Variants in MACROD2 observed in about 807,000 individuals in gnomAD.
MACROD2 encodes the protein ADP-ribose glycohydrolase MACROD2.
In MACROD2, 36 loss-of-function variants were observed where a neutral mutation model predicts 70.4. The ratio of observed to expected loss-of-function variants is 0.51; its 90% CI spans 0.39 to 0.68. The LOEUF is 0.68. Among genes scored for constraint, MACROD2 ranks in the 30% least tolerant of loss-of-function variants. The pLI, the probability that MACROD2 is intolerant of heterozygous loss-of-function variation, is 0.00. For missense variants in MACROD2, 496 were observed against 538.4 expected (o/e 0.92, Z 0.78); for synonymous variants, 172 against 178.8 (o/e 0.96, Z 0.30).
intron 5 of MACROD2, among the ~76,000 whole-genome samples, chr20:14,998,004 C>T (rs2074964376): frequency 6.6e-6 from 1 of 152,128 alleles, no homozygotes; most frequent in Non-Finnish European, 1.5e-5. Flanking sequence ...CAAGATGGCA[C>T]CTCTATGAGT....
chr20:14,308,754 C>G (rs1433025304), intron 3 of MACROD2, among the ~76,000 whole-genome samples: 5 of 152,076 alleles, frequency 3.3e-5, no homozygotes, highest in Non-Finnish European at 5.9e-5. Context: ...ATAGAACCAT[C>G]ACTGGGAATA....
intron 8 of MACROD2, among the ~76,000 whole-genome samples, chr20:15,615,792 T>C (rs2049029029): frequency 6.6e-6 from 1 of 152,100 alleles, no homozygotes; most frequent in Non-Finnish European, 1.5e-5. Context: ...GAAATCGGAC[T>C]CGGGGAAGAA....
rs962108257 is a variant in MACROD2 at position 15,661,828 on chromosome 20, A to G, written c.645+161981A>G. ...ATTAAGGTGTAATCACGTGCATCATAGCAATGTTGTAAAGATGAGGTAAAA... is the reference window on the plus strand; with the variant it reads ...ATTAAGGTGTAATCACGTGCATCATGGCAATGTTGTAAAGATGAGGTAAAA... On this transcript the variant is annotated intron_variant, in intron 8 of 17. Transcript: ENST00000684519. Among the ~76,000 whole-genome samples the G allele has an allele frequency of 3.9e-5, 6 of 152,334 alleles. No homozygotes were observed. In the South Asian group the frequency reaches 6.2e-4, roughly 16 times the overall value.
intron 5 of MACROD2, among the ~76,000 whole-genome samples, chr20:15,193,906 A>G (rs1005740066): frequency 6.6e-6 from 1 of 151,978 alleles, no homozygotes; most frequent in Admixed American, 6.6e-5. Flanking sequence ...GAATCTTTCC[A>G]TGCTTCAATT....
rs568541912 is a variant in MACROD2, at chr20:15,488,090, G to T, written c.572-11684G>T. 2.0e-5 allele frequency among the ~76,000 whole-genome samples: 3 copies of T among 152,188 alleles called. No individual in the cohort carries two copies. In the South Asian group the frequency reaches 6.2e-4, roughly 32 times the overall value. On this transcript the variant is annotated intron_variant, in intron 7 of 17. Transcript: ENST00000684519. ...GGTCCTTCAGTCTGTCCTAGTCTAGGGATCCTAGGACACAGGCCTTTGTCA... is the reference window on the plus strand; with the variant it reads ...GGTCCTTCAGTCTGTCCTAGTCTAGTGATCCTAGGACACAGGCCTTTGTCA...
chr20:14,564,987 G>A (rs995623765), intron 4 of MACROD2, among the ~76,000 whole-genome samples: 1 of 151,854 alleles, frequency 6.6e-6, no homozygotes, highest in Non-Finnish European at 1.5e-5. Flanking sequence ...ATATACCATG[G>A]AATACTACTC....
At chr20:15,282,041 C>T (rs1377595543) in intron 6 of MACROD2, among the ~76,000 whole-genome samples, 3 of 152,248 alleles carry the variant, frequency 2.0e-5, no homozygotes, top group African/African-American at 7.2e-5. Context: ...GGGGCTTGCA[C>T]CCTCTGAAAC....
chr20:15,400,263 C>A (rs138075677), intron 6 of MACROD2, among the ~76,000 whole-genome samples: 266 of 152,298 alleles, frequency 1.7e-3, no homozygotes, highest in African/African-American at 6.2e-3. Context: ...CCCAGTTTAG[C>A]TTCTGCATAG....
At chr20:15,949,102 A>G (rs1047308090) in intron 12 of MACROD2, among the ~76,000 whole-genome samples, 2 of 152,198 alleles carry the variant, frequency 1.3e-5, no homozygotes, top group African/African-American at 2.4e-5. Context: ...TCAAATTCAC[A>G]TCACCATTGC....
rs185077207 is a variant in MACROD2 at position 15,335,908 on chromosome 20, A to G, written c.541-95497A>G. On this transcript the variant is annotated intron_variant, in intron 6 of 17. Coordinates refer to ENST00000684519, the MANE Select transcript of MACROD2 (RefSeq NM_001351661.2). ...CTTCTCCTCACCATTCTTCATGCCC[A>G]AGGGGTCTATTTGCATTTCCTAGAA... 1.1e-3 allele frequency among the ~76,000 whole-genome samples: 162 copies of G among 151,698 alleles called. 2 individuals carry two copies. The highest frequency in any genetic ancestry group is 3.9e-3 in the African/African-American group (160 of 41,042).
At chr20:16,029,735 A>C (rs2067127653) in intron 15 of MACROD2, among the ~76,000 whole-genome samples, 1 of 152,206 alleles carries the variant, frequency 6.6e-6, no homozygotes, top group Non-Finnish European at 1.5e-5. Context: ...GTCAGCCATG[A>C]ACACCTTTTA....
At chr20:14,467,229 C>T (rs1208603539) in intron 3 of MACROD2, among the ~76,000 whole-genome samples, 2 of 152,184 alleles carry the variant, frequency 1.3e-5, no homozygotes, top group Non-Finnish European at 2.9e-5. Flanking sequence ...CAAGCCTGAG[C>T]AATGGCAGGC....
At chr20:15,392,953 G>A (rs911510062) in intron 6 of MACROD2, among the ~76,000 whole-genome samples, 2 of 151,874 alleles carry the variant, frequency 1.3e-5, no homozygotes, top group Admixed American at 6.6e-5. Context: ...CCCAGTTCTC[G>A]GTGCTGCTAA....
At chr20:15,746,168 TTTAAG>T (rs1258377364) in intron 8 of MACROD2, among the ~76,000 whole-genome samples, 3 of 152,084 alleles carry the variant, frequency 2.0e-5, no homozygotes, top group Non-Finnish European at 4.4e-5. Context: ...ATATAATTCA[TTTAAG>T]TTATTTTTAG....
chr20:14,225,431 C>T (rs1014844855), intron 3 of MACROD2, among the ~76,000 whole-genome samples: 6 of 152,158 alleles, frequency 3.9e-5, no homozygotes, highest in Admixed American at 3.9e-4. Context: ...TATGTATTAA[C>T]ATGTAGTTAT....
chr20:14,470,108 G>A (rs909789401), intron 3 of MACROD2, among the ~76,000 whole-genome samples: 1 of 152,016 alleles, frequency 6.6e-6, no homozygotes, highest in African/African-American at 2.4e-5. Context: ...TTCTGATGGG[G>A]TTTTTGTGTG....
chr20:16,011,680 A>T (rs537888533), intron 15 of MACROD2, among the ~76,000 whole-genome samples: 1 of 152,312 alleles, frequency 6.6e-6, no homozygotes, highest in South Asian at 2.1e-4. Context: ...AGTGTAGGGA[A>T]GTTTTAGCAA....
intron 5 of MACROD2, among the ~76,000 whole-genome samples, chr20:14,716,327 G>A (rs1568755414): frequency 6.6e-6 from 1 of 152,098 alleles, no homozygotes; most frequent in Non-Finnish European, 1.5e-5. Context: ...TAGTTTGCTG[G>A]CAAAATCAAA....
intron 6 of MACROD2, among the ~76,000 whole-genome samples, chr20:15,242,166 C>G (rs1343394544): frequency 6.6e-6 from 1 of 152,036 alleles, no homozygotes; most frequent in Non-Finnish European, 1.5e-5. Context: ...TTGCCATAGC[C>G]ACAGTCCAGT....
Sources: allele counts gnomAD v4.1 joint callset (sites outside exome capture counted in the v4.1 genomes callset), GRCh38; gene constraint gnomAD v4.1.1; transcripts MANE v1.5; gene names NCBI Gene and HGNC (gene_info 2026-07-23, HGNC 2026-07-21).